LDB2: variants seen among roughly 807,000 people sequenced by gnomAD.
The protein encoded by LDB2 is LIM domain-binding protein 2.
Under a neutral mutation model 44.3 loss-of-function variants are expected in LDB2, and 12 were observed. That is an observed-to-expected ratio of 0.27 (90% confidence interval 0.17 to 0.44). The LOEUF is 0.44. Ranked by LOEUF, LDB2 falls within the 20% of genes least tolerant of loss-of-function variation. LDB2 has a pLI of 1.00. For missense variants in LDB2, 344 were observed against 473.5 expected (o/e 0.73, Z 2.54); for synonymous variants, 164 against 174.8 (o/e 0.94, Z 0.49).
chr4:16,593,972 A>C (rs1022439510), intron 3 of LDB2, among the ~76,000 whole-genome samples: 6 of 152,194 alleles, frequency 3.9e-5, no homozygotes, highest in African/African-American at 1.4e-4. Flanking sequence ...TGGCCTGAGA[A>C]AGAAATTGAG....
intron 1 of LDB2, among the ~76,000 whole-genome samples, chr4:16,812,582 TTATATATATATA>T (rs6148319): frequency 2.9e-4 from 34 of 115,558 alleles, no homozygotes; most frequent in East Asian, 2.1e-3. Context: ...ATCAATGAAA[TTATATATATATA>T]TATATATATA....
intron 1 of LDB2, among the ~76,000 whole-genome samples, chr4:16,897,365 T>C (rs1725324255): frequency 6.6e-6 from 1 of 152,156 alleles, no homozygotes; most frequent in African/African-American, 2.4e-5. Context: ...GGTGCACCTA[T>C]AACAAACTCC....
chr4:16,557,910 A>G (rs1740378764), intron 5 of LDB2, among the ~76,000 whole-genome samples: 1 of 152,212 alleles, frequency 6.6e-6, no homozygotes, highest in Non-Finnish European at 1.5e-5. Flanking sequence ...GTGGCGCACG[A>G]AACTCCGCTG....
chr4:16,790,197 T>C (rs1775404096), intron 1 of LDB2, among the ~76,000 whole-genome samples: 3 of 152,320 alleles, frequency 2.0e-5, no homozygotes, highest in South Asian at 4.1e-4. Flanking sequence ...AGTTGCATTT[T>C]ACAAATCGAG....
chr4:16,650,419 G>C (rs1274148193), intron 2 of LDB2, among the ~76,000 whole-genome samples: 1 of 152,114 alleles, frequency 6.6e-6, no homozygotes, highest in Non-Finnish European at 1.5e-5. Flanking sequence ...GTATTTTTGA[G>C]AGTTGACTAT....
chr4:16,675,185 A>G (rs1162902284), intron 2 of LDB2, among the ~76,000 whole-genome samples: 2 of 152,188 alleles, frequency 1.3e-5, no homozygotes, highest in Non-Finnish European at 2.9e-5. Flanking sequence ...CAATGGCAAC[A>G]TCTTTCATGA....
chr4:16,649,293 C>T lies in LDB2; in HGVS notation c.236-53418G>A, dbSNP rs180939025. ...TCTCATGATGATGTGCATATGTTTG[C>T]CCCAAGTGTTGCCTGTAAAATGTAT... On this transcript the variant is annotated intron_variant, in intron 2 of 7. Coordinates refer to ENST00000304523, the MANE Select transcript of LDB2 (RefSeq NM_001290.5). Among the ~76,000 whole-genome samples the T allele has an allele frequency of 1.6e-3, 239 of 152,246 alleles. 2 individuals are homozygous for T. The highest frequency in any genetic ancestry group is 5.6e-3 in the African/African-American group (233 of 41,548).
At chr4:16,884,151 A>G (rs918672101) in intron 1 of LDB2, among the ~76,000 whole-genome samples, 4 of 152,192 alleles carry the variant, frequency 2.6e-5, no homozygotes, top group Admixed American at 6.5e-5. Flanking sequence ...AAAACAAAAT[A>G]AAACAAAACA....
At chr4:16,770,413 T>C (rs769434567) in intron 1 of LDB2, among the ~76,000 whole-genome samples, 14 of 152,208 alleles carry the variant, frequency 9.2e-5, no homozygotes, top group Admixed American at 3.3e-4. Flanking sequence ...CTCTGCTCTA[T>C]TTACATGTTT....
intron 1 of LDB2, among the ~76,000 whole-genome samples, chr4:16,859,354 C>T (rs1488329130): frequency 6.6e-6 from 1 of 152,170 alleles, no homozygotes; most frequent in African/African-American, 2.4e-5. Context: ...TGGTGGTATG[C>T]CCTGGTGTTT....
intron 2 of LDB2, among the ~76,000 whole-genome samples, chr4:16,693,807 C>T: frequency 6.6e-6 from 1 of 152,218 alleles, no homozygotes; most frequent in Non-Finnish European, 1.5e-5. Context: ...TGCTGAGGCA[C>T]ATGTTCCAAT....
At chr4:16,578,403 A>C (rs1338193381) in intron 5 of LDB2, among the ~76,000 whole-genome samples, 1 of 152,232 alleles carries the variant, frequency 6.6e-6, no homozygotes, top group East Asian at 1.9e-4. Context: ...AGATCTTAAT[A>C]GACATTTCAC....
intron 5 of LDB2, among the ~76,000 whole-genome samples, chr4:16,558,894 G>A (rs1451287730): frequency 1.3e-5 from 2 of 152,136 alleles, no homozygotes; most frequent in African/African-American, 2.4e-5. Context: ...GAAGAGAGTG[G>A]GGGCCAATAT....
intron 2 of LDB2, among the ~76,000 whole-genome samples, chr4:16,666,225 G>A (rs11721848): frequency 0.13 from 20,112 of 152,178 alleles, 1,540 homozygotes; most frequent in East Asian, 0.26. Context: ...GGACAAGCTC[G>A]CACTGCTGTG....
intron 2 of LDB2, among the ~76,000 whole-genome samples, chr4:16,681,341 T>G (rs1747792860): frequency 6.6e-6 from 1 of 152,156 alleles, no homozygotes; most frequent in Non-Finnish European, 1.5e-5. Flanking sequence ...CATAGGAAAT[T>G]GAATTCTTCA....
At chr4:16,602,319 C>T (rs896433501) in intron 2 of LDB2, among the ~76,000 whole-genome samples, 7 of 152,116 alleles carry the variant, frequency 4.6e-5, no homozygotes, top group East Asian at 1.9e-4. Context: ...TGAACAAAGC[C>T]GTGCGAAGAT....
At chr4:16,576,518 C>T (rs1344884570) in intron 5 of LDB2, among the ~76,000 whole-genome samples, 2 of 152,072 alleles carry the variant, frequency 1.3e-5, no homozygotes, top group Non-Finnish European at 1.5e-5. Flanking sequence ...AGGCAACCTA[C>T]CAAGATTGAA....
intron 2 of LDB2, among the ~76,000 whole-genome samples, chr4:16,613,826 G>A (rs1297890945): frequency 6.6e-6 from 1 of 152,154 alleles, no homozygotes; most frequent in Non-Finnish European, 1.5e-5. Context: ...TCGATATTGA[G>A]AAAATGACCA....
intron 7 of LDB2, among the ~76,000 whole-genome samples, chr4:16,507,425 A>T (rs1719934172): frequency 6.6e-6 from 1 of 152,120 alleles, no homozygotes; most frequent in South Asian, 2.1e-4. Flanking sequence ...CAGATGTGAA[A>T]GACACACTTG....
Sources: gnomAD v4.1 joint callset for allele counts (sites outside exome capture counted in the v4.1 genomes callset) on GRCh38, gnomAD v4.1.1 for gene constraint, MANE v1.5 for transcripts, NCBI Gene and HGNC (gene_info 2026-07-23, HGNC 2026-07-21) for gene names.